Variants in DDR2 observed in about 807,000 individuals in gnomAD.
DDR2 encodes the protein discoidin domain receptor tyrosine kinase 2.
In DDR2, 27 loss-of-function variants were observed where a neutral mutation model predicts 94.9. The observed-to-expected ratio is 0.28, with a 90% confidence interval of 0.21 to 0.39. DDR2 has a LOEUF of 0.39. Ranked by LOEUF, DDR2 falls within the 10% of genes least tolerant of loss-of-function variation. The pLI is 1.00. For missense variants in DDR2, 783 were observed against 1,076.0 expected (o/e 0.73, Z 3.81); for synonymous variants, 382 against 377.2 (o/e 1.01, Z -0.15).
chr1:162,729,111 C>T (rs1661867769), intron 3 of DDR2, among the ~76,000 whole-genome samples: 1 of 150,182 alleles, frequency 6.7e-6, no homozygotes. Context: ...GCAGATGATG[C>T]AGGAGGAAGA....
At position 162,655,284 on chromosome 1, in the gene DDR2, T is replaced by G. The variant is rs1280536562; in HGVS notation, c.-118T>G. ...AAGTTCCAAGGTTTGTGGCTTGAAT[T>G]ATTCTAAAGAAGCTGAAATAATTGA... is the stretch of plus-strand genomic sequence containing the variant. On this transcript the variant is annotated 5_prime_UTR_variant, in exon 2 of 18. In the 5' UTR this introduces an upstream ATG that the reference lacks. Transcript: ENST00000367921. 1 of 152,240 alleles carries G rather than the reference T, an allele frequency of 6.6e-6. No individual in the cohort carries two copies. The highest frequency in any genetic ancestry group is 1.5e-5 in the Non-Finnish European group (1 of 68,050). 9.4% of individuals were successfully genotyped at this position (152,240 alleles called of 1,614,324 possible). A position where few individuals can be genotyped will look rare whatever the true frequency, so the allele number is the denominator to read the frequency against.
At chr1:162,739,465 C>T (rs1662482536) in intron 3 of DDR2, among the ~76,000 whole-genome samples, 1 of 152,238 alleles carries the variant, frequency 6.6e-6, no homozygotes, top group Middle Eastern at 3.4e-3. Flanking sequence ...CACCACCATG[C>T]CTGGCTAATT....
rs200965319 is a variant in DDR2 at position 162,759,902 on chromosome 1, C to T, written c.778C>T (p.Arg260Trp). The change falls in exon 8 of 18, where the codon CGG becomes TGG. Residue 260 changes from arginine (R) to tryptophan (W), a missense_variant. By Grantham distance (101) the Arg-to-Trp change is moderately radical. Coordinates refer to ENST00000367921, the MANE Select transcript of DDR2 (RefSeq NM_006182.4). ...GCCCGGCTATGACTATGTGGGCTGG[C>T]GGAACGAGAGTGCCACCAATGGCTA... ...VWPGYDYVGW[R>W]NESATNGYIE... 9.8e-5 allele frequency: 158 copies of T among 1,614,000 alleles called. No homozygotes were observed. Among genetic ancestry groups the T allele is most frequent in the Non-Finnish European group, 1.1e-4 (135 of 1,180,022 alleles).
At chr1:162,729,291 TA>T (rs1375633941) in intron 3 of DDR2, among the ~76,000 whole-genome samples, 12 of 17,734 alleles carry the variant, frequency 6.8e-4, no homozygotes, top group African/African-American at 2.8e-3. Flanking sequence ...TATATATATA[TA>T]TATATATATT....
At chr1:162,710,769 C>CAT (rs542429235) in intron 2 of DDR2, among the ~76,000 whole-genome samples, 17 of 151,554 alleles carry the variant, frequency 1.1e-4, no homozygotes, top group South Asian at 1.0e-3. Flanking sequence ...GTCATGCACA[C>CAT]ACACACACAC....
chr1:162,672,101 C>A (rs567836295), intron 2 of DDR2, among the ~76,000 whole-genome samples: 1 of 152,328 alleles, frequency 6.6e-6, no homozygotes, highest in South Asian at 2.1e-4. Context: ...CTCTGTTGCT[C>A]AAAAGCCTTC....
Position 162,704,804 on chromosome 1 carries a change from A to G in DDR2, c.-27-14233A>G, listed in dbSNP as rs186464168. ...TTGGGGGAACACACACATCCAGTCT[A>G]TAGCACTATCTGATAAGGCTTCTGA... On this transcript the variant is annotated intron_variant, in intron 2 of 17. Transcript: ENST00000367921. Among the ~76,000 whole-genome samples the G allele has an allele frequency of 4.1e-4, 63 of 152,334 alleles. 1 individual carries two copies. The highest frequency in any genetic ancestry group is 3.4e-3 in the Middle Eastern group (1 of 294).
intron 2 of DDR2, among the ~76,000 whole-genome samples, chr1:162,670,180 A>G (rs1658763887): frequency 6.6e-6 from 1 of 152,106 alleles, no homozygotes; most frequent in Middle Eastern, 3.2e-3. Context: ...GCACGATCTC[A>G]GCTCACTGCG....
At chr1:162,716,089 A>AT (rs141099868) in intron 2 of DDR2, among the ~76,000 whole-genome samples, 6,165 of 152,304 alleles carry the variant, frequency 0.04, 188 homozygotes, top group East Asian at 0.15. Context: ...TAAATGGATA[A>AT]TTTTATAACA....
rs1647339703 is a variant in DDR2, at chr1:162,773,373, T to G, written c.1729-96T>G. The stretch of plus-strand genomic sequence containing the variant: ...GGTCTTTTGATCATTTTGCCTGAGT[T>G]GTAAGAGTTAGTTTATCTCCAGGAA... On this transcript the variant is annotated intron_variant, in intron 13 of 17. Transcript: ENST00000367921. 1.4e-5 allele frequency: 22 copies of G among 1,545,414 alleles called. No individual in the cohort carries two copies. In the South Asian group the frequency reaches 2.5e-4, roughly 17 times the overall value.
At chr1:162,701,376 G>A (rs1191011898) in intron 2 of DDR2, among the ~76,000 whole-genome samples, 7 of 152,234 alleles carry the variant, frequency 4.6e-5, no homozygotes, top group Non-Finnish European at 8.8e-5. Context: ...TGGTATTTAC[G>A]TGTGTAGGTG....
chr1:162,741,649 CA>C (rs1662619829), intron 3 of DDR2: 1 of 985,232 alleles, frequency 1.0e-6, no homozygotes, highest in African/African-American at 1.7e-5. Context: ...CTGCCTTGGA[CA>C]GCTAGATCTT....
chr1:162,752,379 G>A (rs967660583), intron 3 of DDR2, among the ~76,000 whole-genome samples: 4 of 152,166 alleles, frequency 2.6e-5, no homozygotes, highest in Non-Finnish European at 4.4e-5. Context: ...TGATGCCACC[G>A]TAGGGGTCAA....
chr1:162,745,910 G>T (rs993292296), intron 3 of DDR2, among the ~76,000 whole-genome samples: 5 of 152,040 alleles, frequency 3.3e-5, no homozygotes, highest in Non-Finnish European at 7.4e-5. Flanking sequence ...CGTTTCAATT[G>T]TTCTTTTTTT....
At position 162,748,208 on chromosome 1, in the gene DDR2, G is replaced by A. The variant is rs140508610; in HGVS notation, c.83-4887G>A. 9.5e-3 allele frequency among the ~76,000 whole-genome samples: 1,441 copies of A among 152,238 alleles called. 21 individuals are homozygous for A. Among genetic ancestry groups the A allele is most frequent in the African/African-American group, 0.033 (1,376 of 41,538 alleles). On this transcript the variant is annotated intron_variant, in intron 3 of 17. Transcript: ENST00000367921. ...CCAATTAAAAGACACAGACTGGCAA[G>A]TTGGATAAAGAGTCAAGACCCATCA...
chr1:162,710,364 T>C (rs9943058), intron 2 of DDR2, among the ~76,000 whole-genome samples: 120,300 of 152,054 alleles, frequency 0.79, 49,040 homozygotes, highest in Non-Finnish European at 0.9. Context: ...GGCTCCACAC[T>C]GAGGGGCTGC....
intron 3 of DDR2, among the ~76,000 whole-genome samples, chr1:162,752,577 G>C (rs1038353823): frequency 2.2e-4 from 34 of 152,210 alleles, no homozygotes; most frequent in African/African-American, 8.0e-4. Flanking sequence ...ATAGCCAGGA[G>C]CCAGAACATG....
intron 3 of DDR2, among the ~76,000 whole-genome samples, chr1:162,724,701 G>A (rs1401106350): frequency 6.6e-6 from 1 of 152,180 alleles, no homozygotes; most frequent in East Asian, 1.9e-4. Context: ...AGAAGGTGAT[G>A]CTAGTTTCAG....
chr1:162,712,397 G>A (rs1207680153), intron 2 of DDR2, among the ~76,000 whole-genome samples: 1 of 151,716 alleles, frequency 6.6e-6, no homozygotes, highest in Non-Finnish European at 1.5e-5. Context: ...GCTCACCCAA[G>A]TACAGAGATA....
Sources: allele counts gnomAD v4.1 joint callset (sites outside exome capture counted in the v4.1 genomes callset), GRCh38; gene constraint gnomAD v4.1.1; transcripts MANE v1.5; gene names NCBI Gene and HGNC (gene_info 2026-07-23, HGNC 2026-07-21).